The following CERKL variants were observed in gnomAD, a reference collection of about 807,000 sequenced individuals.
CERKL encodes CERK like autophagy regulator.
In CERKL, 61 loss-of-function variants were observed where a neutral mutation model predicts 63.4. The observed-to-expected ratio is 0.96, with a 90% CI of 0.78 to 1.19. CERKL has a LOEUF of 1.19. CERKL is among the 50% of genes most tolerant of loss of function. The pLI is 0.00. For synonymous variants in CERKL, 250 were observed against 230.5 expected (o/e 1.08, Z -0.77); for missense variants, 675 against 655.5 (o/e 1.03, Z -0.33).
At chr2:181,650,092 AG>A (rs1182859471) in intron 1 of CERKL, 17 of 42,644 alleles carry the variant, frequency 4.0e-4, no homozygotes, top group Admixed American at 7.0e-4. Flanking sequence ...GGAGGGAGGG[AG>A]GGAGGGAGGG....
chr2:181,651,043 C>A (rs1269314371), intron 1 of CERKL, among the ~76,000 whole-genome samples: 7 of 152,204 alleles, frequency 4.6e-5, no homozygotes, highest in Non-Finnish European at 8.8e-5. Flanking sequence ...GTAATAAAGT[C>A]TTTCATCAAA....
At chr2:181,596,747 T>C (rs888107928) in intron 2 of CERKL, among the ~76,000 whole-genome samples, 4 of 152,190 alleles carry the variant, frequency 2.6e-5, no homozygotes. Context: ...CAAACTGTGC[T>C]GATGAGATCT....
At chr2:181,543,262 T>A (rs1268000607) in intron 11 of CERKL, among the ~76,000 whole-genome samples, 1 of 152,250 alleles carries the variant, frequency 6.6e-6, no homozygotes, top group East Asian at 1.9e-4. Flanking sequence ...TTTGGGTTTT[T>A]TAAAAATTGG....
intron 1 of CERKL, among the ~76,000 whole-genome samples, chr2:181,621,987 C>A (rs1686474661): frequency 6.6e-6 from 1 of 152,092 alleles, no homozygotes; most frequent in Non-Finnish European, 1.5e-5. Flanking sequence ...TTCCTTTCAG[C>A]CCTGATTACA....
chr2:181,567,457 T>C (rs957651228), intron 3 of CERKL, among the ~76,000 whole-genome samples: 24 of 152,172 alleles, frequency 1.6e-4, no homozygotes, highest in African/African-American at 5.3e-4. Context: ...TGTGTTATTA[T>C]TGAATGCTAT....
intron 3 of CERKL, among the ~76,000 whole-genome samples, chr2:181,568,151 T>C (rs550959515): frequency 1.3e-5 from 2 of 152,254 alleles, no homozygotes; most frequent in South Asian, 2.1e-4. Flanking sequence ...ATATTCAATG[T>C]TGATGAGAAA....
intron 11 of CERKL, among the ~76,000 whole-genome samples, chr2:181,541,864 CT>C (rs2105792176): frequency 6.6e-6 from 1 of 152,306 alleles, no homozygotes; most frequent in African/African-American, 2.4e-5. Flanking sequence ...GAAGGAACAA[CT>C]TTAGGGGAAA....
Position 181,656,804 on chromosome 2 carries a change from A to AGTGC in CERKL, c.199_202dup (p.Leu68ArgfsTer15), listed in dbSNP as rs772395938. ...CTCGGGCTGAATGGGCCGCCACCGC[A>AGTGC]GTGCTCGCTCGCTCAGCACCACGTC... is the stretch of plus-strand genomic sequence containing the variant. On this transcript the variant is annotated frameshift_variant, in exon 1 of 13. Transcript: ENST00000410087. LOFTEE classifies it high-confidence loss of function. The AGTGC allele has an allele frequency of 6.3e-7, 1 of 1,596,038 alleles. No individual in the cohort carries two copies. The highest frequency in any genetic ancestry group is 8.6e-7 in the Non-Finnish European group (1 of 1,168,746).
chr2:181,654,968 T>C (rs1207906289), intron 1 of CERKL, among the ~76,000 whole-genome samples: 1 of 152,152 alleles, frequency 6.6e-6, no homozygotes, highest in African/African-American at 2.4e-5. Flanking sequence ...AAATAAAACA[T>C]CTCTTGGTTT....
chr2:181,639,826 T>C (rs1687343913), intron 1 of CERKL, among the ~76,000 whole-genome samples: 1 of 152,202 alleles, frequency 6.6e-6, no homozygotes, highest in African/African-American at 2.4e-5. Context: ...ATAGTTTCTT[T>C]GCTAAGGTTA....
At chr2:181,624,787 A>G (rs939998197) in intron 1 of CERKL, among the ~76,000 whole-genome samples, 2 of 152,212 alleles carry the variant, frequency 1.3e-5, no homozygotes, top group African/African-American at 2.4e-5. Flanking sequence ...GGTTTGGACA[A>G]TCAGAATAAT....
chr2:181,604,618 G>A (rs1271639130), intron 1 of CERKL, among the ~76,000 whole-genome samples: 1 of 152,142 alleles, frequency 6.6e-6, no homozygotes, highest in African/African-American at 2.4e-5. Context: ...TAATAAATTG[G>A]TGTCACATAA....
At position 181,554,164 on chromosome 2, in the gene CERKL, C is replaced by CAAAAAAAAAAAAAAAAAAAAA. The variant is rs36086391; in HGVS notation, c.820+4381_820+4401dup. Reference sequence around the variant, plus strand: ...AAATACCAGGGAGAAACTATGGAGGCAAAAAAAAAAAAAAAAAAAAAATGT... The same window carrying CAAAAAAAAAAAAAAAAAAAAA: ...AAATACCAGGGAGAAACTATGGAGGCAAAAAAAAAAAAAAAAAAAAAAAAAAAAAAAAAAAAAAAAAAATGT... On this transcript the variant is annotated intron_variant, in intron 5 of 12. Coordinates refer to ENST00000410087, the MANE Select transcript of CERKL (RefSeq NM_201548.5). Among the ~76,000 whole-genome samples, 2 of 94,282 alleles carry CAAAAAAAAAAAAAAAAAAAAA rather than the reference C, an allele frequency of 2.1e-5. 1 individual carries two copies. The highest frequency in any genetic ancestry group is 4.2e-5 in the Non-Finnish European group (2 of 47,530). 61.9% of individuals were successfully genotyped at this position (94,282 alleles called of 152,430 possible).
chr2:181,656,013 A>C (rs1315763082), intron 1 of CERKL, among the ~76,000 whole-genome samples: 1 of 150,350 alleles, frequency 6.7e-6, no homozygotes, highest in Non-Finnish European at 1.5e-5. Context: ...TATTTGACTA[A>C]GACGTGAAAA....
intron 1 of CERKL, among the ~76,000 whole-genome samples, chr2:181,647,890 C>G (rs1687736000): frequency 6.6e-6 from 1 of 151,818 alleles, no homozygotes. Context: ...GAAATTAAAA[C>G]AAGATCTATC....
chr2:181,568,351 T>C (rs1354966132), intron 3 of CERKL, among the ~76,000 whole-genome samples: 1 of 152,174 alleles, frequency 6.6e-6, no homozygotes, highest in Non-Finnish European at 1.5e-5. Flanking sequence ...CTCTCTCAAA[T>C]ATATTGTTCT....
chr2:181,539,859 G>A (rs944919639), intron 11 of CERKL, among the ~76,000 whole-genome samples: 1 of 152,202 alleles, frequency 6.6e-6, no homozygotes, highest in South Asian at 2.1e-4. Flanking sequence ...TTCAACTTGC[G>A]TTTTTTCTTG....
rs775143828 is a variant in CERKL, at chr2:181,536,918, A to G, written c.*1266T>C. 6.6e-6 allele frequency: 3 copies of G among 453,432 alleles called. 1 individual carries two copies. Among genetic ancestry groups the G allele is most frequent in the South Asian group, 4.7e-5 (3 of 64,352 alleles). The allele number at this position is 453,432 out of a possible 1,614,324, so 28.1% of individuals were successfully genotyped here. A position where few individuals can be genotyped will look rare whatever the true frequency, so the allele number is the denominator to read the frequency against. On this transcript the variant is annotated 3_prime_UTR_variant, in exon 13 of 13. Coordinates refer to ENST00000410087, the MANE Select transcript of CERKL (RefSeq NM_201548.5). ...AATTAGAAGGCAATGTGGAAAAACAATTCTGGGAAAGATTTCTTTATATGA... is the reference window on the plus strand; with the variant it reads ...AATTAGAAGGCAATGTGGAAAAACAGTTCTGGGAAAGATTTCTTTATATGA...
intron 2 of CERKL, among the ~76,000 whole-genome samples, chr2:181,576,176 T>G (rs1428333107): frequency 6.6e-6 from 1 of 152,180 alleles, no homozygotes; most frequent in African/African-American, 2.4e-5. Flanking sequence ...AGGATAATAT[T>G]AAGGTAATTA....
Sources: gnomAD v4.1 joint callset for allele counts (sites outside exome capture counted in the v4.1 genomes callset) on GRCh38, gnomAD v4.1.1 for gene constraint, MANE v1.5 for transcripts, NCBI Gene and HGNC (gene_info 2026-07-23, HGNC 2026-07-21) for gene names.